Variants in PAN3 observed in about 807,000 individuals in gnomAD.
PAN3 encodes the protein poly(A) specific ribonuclease subunit PAN3, also known as PAN2-PAN3 deadenylation complex subunit PAN3.
A neutral mutation model predicts 96.2 loss-of-function variants in PAN3; 19 were observed. That is an observed-to-expected ratio of 0.20 (90% CI 0.14 to 0.29). The LOEUF (loss-of-function observed/expected upper bound fraction) is 0.29. PAN3 is among the 10% of genes least tolerant of loss of function. The pLI is 1.00. For synonymous variants in PAN3, 433 were observed against 406.6 expected (o/e 1.06, Z -0.78); for missense variants, 882 against 1,108.1 (o/e 0.80, Z 2.90).
intron 5 of PAN3, among the ~76,000 whole-genome samples, chr13:28,219,500 C>CAAAAA (rs1881154730): frequency 6.6e-6 from 1 of 152,054 alleles, no homozygotes; most frequent in Non-Finnish European, 1.5e-5. Flanking sequence ...ATTATATAGA[C>CAAAAA]TTTTTATGAA....
intron 6 of PAN3, among the ~76,000 whole-genome samples, chr13:28,235,479 C>G (rs1593530430): frequency 6.6e-6 from 1 of 152,088 alleles, no homozygotes; most frequent in African/African-American, 2.4e-5. Context: ...CCCATCATCT[C>G]TGTGCCTTTG....
chr13:28,258,552 A>G (rs1191303209), intron 7 of PAN3, among the ~76,000 whole-genome samples: 1 of 152,188 alleles, frequency 6.6e-6, no homozygotes, highest in Non-Finnish European at 1.5e-5. Context: ...GCTGACCTAG[A>G]GTAGGTTTGA....
chr13:28,211,939 A>C (rs1880084296), intron 5 of PAN3, among the ~76,000 whole-genome samples: 1 of 152,214 alleles, frequency 6.6e-6, no homozygotes. Flanking sequence ...GATCTGTCTG[A>C]ATTGAGGAGA....
chr13:28,248,008 A>G (rs563057296), intron 6 of PAN3, among the ~76,000 whole-genome samples: 7 of 152,346 alleles, frequency 4.6e-5, no homozygotes, highest in African/African-American at 1.7e-4. Context: ...TGCTTTGGGT[A>G]GTATTAACAT....
intron 1 of PAN3, among the ~76,000 whole-genome samples, chr13:28,162,509 AC>A (rs1432373537): frequency 4.0e-5 from 6 of 151,848 alleles, no homozygotes; most frequent in African/African-American, 1.5e-4. Context: ...ACATGGCGAA[AC>A]CCCACCTCTA....
intron 1 of PAN3, among the ~76,000 whole-genome samples, chr13:28,144,260 A>G (rs1413777292): frequency 1.6e-5 from 2 of 126,612 alleles, no homozygotes; most frequent in Non-Finnish European, 3.1e-5. Context: ...TCTGTCTCCC[A>G]GGCTGGAGTG....
intron 4 of PAN3, among the ~76,000 whole-genome samples, chr13:28,190,376 G>A: frequency 6.6e-6 from 1 of 151,876 alleles, no homozygotes; most frequent in East Asian, 1.9e-4. Flanking sequence ...CTGAATAGCT[G>A]GAATTATAGG....
chr13:28,282,265 C>T (rs1015168404), intron 17 of PAN3, among the ~76,000 whole-genome samples: 2 of 151,220 alleles, frequency 1.3e-5, no homozygotes, highest in Admixed American at 1.3e-4. Context: ...TGACTATATA[C>T]GTAAGTTACA....
intron 5 of PAN3, chr13:28,214,795 G>T: frequency 1.6e-6 from 1 of 611,032 alleles, no homozygotes; most frequent in Admixed American, 2.2e-5. Context: ...GATGCCCCAG[G>T]ACACAGAGAC....
intron 4 of PAN3, among the ~76,000 whole-genome samples, chr13:28,186,569 A>G (rs1157892234): frequency 6.6e-6 from 1 of 152,254 alleles, no homozygotes; most frequent in African/African-American, 2.4e-5. Flanking sequence ...CTAATTATGT[A>G]CAAGACGACT....
intron 14 of PAN3, 61 bp from the exon 15 acceptor site, chr13:28,277,176 G>A: frequency 6.8e-7 from 1 of 1,476,146 alleles, no homozygotes; most frequent in Non-Finnish European, 9.2e-7. Flanking sequence ...AGTAGTGTCA[G>A]TGTATTAAAT....
intron 1 of PAN3, among the ~76,000 whole-genome samples, chr13:28,168,620 G>A (rs1873884287): frequency 1.3e-5 from 2 of 152,338 alleles, no homozygotes; most frequent in African/African-American, 2.4e-5. Context: ...TTGGGAGGCT[G>A]AGGCAGGAGA....
intron 6 of PAN3, among the ~76,000 whole-genome samples, chr13:28,237,678 G>A (rs927995533): frequency 2.0e-5 from 3 of 152,142 alleles, no homozygotes; most frequent in African/African-American, 7.2e-5. Flanking sequence ...CTTGAAATTG[G>A]TGGGTGAAGA....
At chr13:28,216,287 CAG>C (rs1036294973) in intron 5 of PAN3, among the ~76,000 whole-genome samples, 4 of 151,268 alleles carry the variant, frequency 2.6e-5, no homozygotes, top group Admixed American at 6.6e-5. Context: ...TTCATAGTGA[CAG>C]AAAGTCTCAG....
chr13:28,228,206 A>G (rs1320115332), intron 6 of PAN3, among the ~76,000 whole-genome samples: 5 of 152,218 alleles, frequency 3.3e-5, no homozygotes, highest in Non-Finnish European at 1.5e-5. Context: ...TTCTGTAGGA[A>G]TGAATCAGAT....
intron 7 of PAN3, among the ~76,000 whole-genome samples, chr13:28,259,131 A>ATTT (rs546959673): frequency 2.1e-5 from 3 of 144,904 alleles, no homozygotes; most frequent in African/African-American, 7.6e-5. Context: ...TTCTCATTAG[A>ATTT]TTTTTTTTTT....
At chr13:28,229,736 G>C (rs1393496464) in intron 6 of PAN3, among the ~76,000 whole-genome samples, 1 of 152,080 alleles carries the variant, frequency 6.6e-6, no homozygotes, top group Non-Finnish European at 1.5e-5. Context: ...TGGTAATTCT[G>C]TTGTGCTGTT....
At chr13:28,215,914 C>G (rs1566195121) in intron 5 of PAN3, 1 of 1,207,016 alleles carries the variant, frequency 8.3e-7, no homozygotes, top group Non-Finnish European at 1.2e-6. Context: ...TCCCTAATAC[C>G]TGCCACTCTA....
intron 6 of PAN3, among the ~76,000 whole-genome samples, chr13:28,234,146 T>G (rs780848359): frequency 1.3e-5 from 2 of 152,166 alleles, no homozygotes; most frequent in Non-Finnish European, 2.9e-5. Flanking sequence ...TCTGGTACAG[T>G]CAGGGAGAAC....
Sources: gnomAD v4.1 joint callset for allele counts (sites outside exome capture counted in the v4.1 genomes callset) on GRCh38, gnomAD v4.1.1 for gene constraint, MANE v1.5 for transcripts, NCBI Gene and HGNC (gene_info 2026-07-23, HGNC 2026-07-21) for gene names.